The following METTL15 variants were observed in gnomAD, a reference collection of about 807,000 sequenced individuals.
METTL15 encodes the protein 12S rRNA N(4)-cytidine methyltransferase METTL15.
METTL15 carries 34 observed loss-of-function variants against 38.3 expected under a neutral mutation model. The observed-to-expected ratio is 0.89, with a 90% CI of 0.68 to 1.18. METTL15 has a LOEUF of 1.18. Among genes scored for constraint, METTL15 ranks in the 50% most tolerant of loss-of-function variants. The pLI, the probability that METTL15 is intolerant of heterozygous loss-of-function variation, is 0.00. For missense variants in METTL15, 438 were observed against 498.4 expected, an observed-to-expected ratio of 0.88 and a Z score of 1.15; for synonymous variants, 162 against 170.9, an observed-to-expected ratio of 0.95 and a Z score of 0.41.
chr11:28,326,755 TTTTTTGTTTTTG>T (rs1230803473), intron 6 of METTL15, among the ~76,000 whole-genome samples: 24 of 151,910 alleles, frequency 1.6e-4, no homozygotes, highest in Admixed American at 4.6e-4. Context: ...ATTGTAGGAT[TTTTTTGTTTTTG>T]TTTTTGTTTT....
intron 4 of METTL15, among the ~76,000 whole-genome samples, chr11:28,241,571 G>A (rs1472707626): frequency 1.3e-5 from 2 of 151,604 alleles, no homozygotes; most frequent in Non-Finnish European, 2.9e-5. Context: ...CCAGAGAAAA[G>A]CAAAGGGGAT....
chr11:28,497,201 T>C (rs1295943326), intron 6 of METTL15, among the ~76,000 whole-genome samples: 1 of 152,222 alleles, frequency 6.6e-6, no homozygotes, highest in Admixed American at 6.5e-5. Flanking sequence ...ACTTTTTCTT[T>C]AGCTTTGTAT....
intron 5 of METTL15, among the ~76,000 whole-genome samples, chr11:28,388,096 G>C (rs1212599988): frequency 6.6e-6 from 1 of 152,016 alleles, no homozygotes; most frequent in Non-Finnish European, 1.5e-5. Context: ...TAACATAATA[G>C]TGGTGAAAAA....
intron 6 of METTL15, among the ~76,000 whole-genome samples, chr11:28,298,155 C>G (rs1856801983): frequency 6.6e-6 from 1 of 151,910 alleles, no homozygotes; most frequent in Non-Finnish European, 1.5e-5. Flanking sequence ...ATATTTTCCC[C>G]CCTAAAAAAG....
intron 5 of METTL15, among the ~76,000 whole-genome samples, chr11:28,418,426 TGG>T (rs1306550427): frequency 1.3e-5 from 2 of 152,116 alleles, no homozygotes; most frequent in African/African-American, 4.8e-5. Context: ...TTCTTTTCAG[TGG>T]GTCTATTTTG....
intron 5 of METTL15, among the ~76,000 whole-genome samples, chr11:28,366,278 A>T (rs1590346321): frequency 6.6e-6 from 1 of 152,164 alleles, no homozygotes; most frequent in Non-Finnish European, 1.5e-5. Flanking sequence ...AAAGCCTTGA[A>T]TCCATATGGC....
At chr11:28,142,192 C>T (rs1849722141) in intron 3 of METTL15, among the ~76,000 whole-genome samples, 1 of 152,064 alleles carries the variant, frequency 6.6e-6, no homozygotes, top group African/African-American at 2.4e-5. Flanking sequence ...ACACTTCATT[C>T]CATAAAATAG....
intron 3 of METTL15, chr11:28,163,549 C>CTGTGTG (rs1477135240): frequency 1.0e-4 from 38 of 375,008 alleles, no homozygotes; most frequent in African/African-American, 7.7e-4. Flanking sequence ...CTCTCTCTCT[C>CTGTGTG]TCTGTGTGTG....
chr11:28,211,618 C>G (rs1218462674), intron 4 of METTL15, among the ~76,000 whole-genome samples: 1 of 151,904 alleles, frequency 6.6e-6, no homozygotes, highest in Non-Finnish European at 1.5e-5. Flanking sequence ...ATACTTGTTT[C>G]CTTTGAATTT....
At chr11:28,271,487 G>A (rs1855636282) in intron 4 of METTL15, among the ~76,000 whole-genome samples, 1 of 152,090 alleles carries the variant, frequency 6.6e-6, no homozygotes, top group African/African-American at 2.4e-5. Context: ...GTAGATGATT[G>A]CTGTCTTATA....
intron 4 of METTL15, among the ~76,000 whole-genome samples, chr11:28,284,518 A>G (rs1856177816): frequency 6.6e-6 from 1 of 152,192 alleles, no homozygotes; most frequent in Admixed American, 6.5e-5. Flanking sequence ...CCTGAATCCT[A>G]AAAGGACTGT....
chr11:28,115,363 A>AT (rs1851895460), intron 3 of METTL15, among the ~76,000 whole-genome samples: 1 of 150,440 alleles, frequency 6.6e-6, no homozygotes, highest in Non-Finnish European at 1.5e-5. Context: ...GGTTCAATTG[A>AT]TTCTCCTGCC....
chr11:28,221,397 G>T (rs1272087830), intron 4 of METTL15, among the ~76,000 whole-genome samples: 1 of 152,102 alleles, frequency 6.6e-6, no homozygotes, highest in African/African-American at 2.4e-5. Flanking sequence ...CTCGTGCCAT[G>T]GTTTTCAGCT....
At chr11:28,134,357 AAT>A in intron 3 of METTL15, among the ~76,000 whole-genome samples, 1 of 152,198 alleles carries the variant, frequency 6.6e-6, no homozygotes, top group East Asian at 1.9e-4. Context: ...ATAAAGCGCA[AAT>A]TCCTGGTAGC....
intron 6 of METTL15, among the ~76,000 whole-genome samples, chr11:28,480,073 G>C (rs1851382810): frequency 1.3e-5 from 2 of 152,144 alleles, no homozygotes; most frequent in Non-Finnish European, 2.9e-5. Flanking sequence ...TGTCAGTGTT[G>C]TATGTAGCTT....
chr11:28,498,958 G>C (rs191006938), intron 6 of METTL15, among the ~76,000 whole-genome samples: 119 of 152,332 alleles, frequency 7.8e-4, no homozygotes, highest in Non-Finnish European at 5.7e-4. Context: ...TAGAAAAGCA[G>C]GGTCTAGAGC....
At chr11:28,247,748 G>A (rs1854573488) in intron 4 of METTL15, among the ~76,000 whole-genome samples, 1 of 152,080 alleles carries the variant, frequency 6.6e-6, no homozygotes, top group Admixed American at 6.6e-5. Flanking sequence ...TAGTGGTACA[G>A]TAGATGGCTT....
Position 28,296,765 on chromosome 11 carries a change from G to A in METTL15, c.612G>A (p.Met204Ile), listed in dbSNP as rs1421504702. The A allele has an allele frequency of 1.9e-6, 3 of 1,613,142 alleles. No homozygotes were observed. Among genetic ancestry groups the A allele is most frequent in the Admixed American group, 1.7e-5 (1 of 59,876 alleles). Residue 204 changes from methionine (M) to isoleucine (I), a missense_variant, in exon 6 of 7, where the codon ATG (methionine) becomes ATA (isoleucine). Met to Ile is a conservative substitution (Grantham distance 10). Coordinates refer to ENST00000407364, the MANE Select transcript of METTL15 (RefSeq NM_001113528.2). The part of the protein sequence containing the change: ...MRMDGGRYPD[M>I]PTAADVVNAL... ...TTCTTGTGCGTAGGTACCCTGACATGCCCACTGCTGCTGATGTTGTGAATG... is the reference window on the plus strand; with the variant it reads ...TTCTTGTGCGTAGGTACCCTGACATACCCACTGCTGCTGATGTTGTGAATG...
chr11:28,123,848 T>A (rs1387836125), intron 3 of METTL15: 1 of 1,436,752 alleles, frequency 7.0e-7, no homozygotes, highest in Admixed American at 2.3e-5. Flanking sequence ...ACATGTATTT[T>A]TCTTTCTGGC....
Sources: allele counts gnomAD v4.1 joint callset (sites outside exome capture counted in the v4.1 genomes callset), GRCh38; gene constraint gnomAD v4.1.1; transcripts MANE v1.5; gene names NCBI Gene and HGNC (gene_info 2026-07-23, HGNC 2026-07-21).